The following SERGEF variants were observed in gnomAD, a reference collection of about 807,000 sequenced individuals.
SERGEF encodes secretion regulating guanine nucleotide exchange factor.
SERGEF carries 51 observed loss-of-function variants against 50.0 expected under a neutral mutation model. The ratio of observed to expected loss-of-function variants is 1.02; its 90% CI spans 0.81 to 1.29. The LOEUF (loss-of-function observed/expected upper bound fraction) is 1.29. Ranked by LOEUF, SERGEF falls within the 50% of genes most tolerant of loss-of-function variation. The pLI, the probability that SERGEF is intolerant of heterozygous loss-of-function variation, is 0.00. For missense variants in SERGEF, 521 were observed against 557.0 expected (o/e 0.94, Z 0.65); for synonymous variants, 205 against 212.4 (o/e 0.97, Z 0.30).
chr11:17,863,088 G>A (rs1850955984), intron 10 of SERGEF, among the ~76,000 whole-genome samples: 1 of 152,222 alleles, frequency 6.6e-6, no homozygotes, highest in South Asian at 2.1e-4. Context: ...GCAGACCTTA[G>A]TTTGAATTCT....
At chr11:17,850,582 C>A (rs1850693627) in intron 10 of SERGEF, among the ~76,000 whole-genome samples, 1 of 152,168 alleles carries the variant, frequency 6.6e-6, no homozygotes, top group South Asian at 2.1e-4. Flanking sequence ...CTAGACAGCT[C>A]CTTCTAGCAT....
intron 10 of SERGEF, among the ~76,000 whole-genome samples, chr11:17,872,559 C>T (rs192717312): frequency 3.9e-4 from 59 of 152,240 alleles, no homozygotes; most frequent in Admixed American, 2.8e-3. Context: ...AATGGCATAG[C>T]CCCTATGGAG....
At chr11:17,943,047 C>A (rs551562754) in intron 9 of SERGEF, among the ~76,000 whole-genome samples, 1 of 152,024 alleles carries the variant, frequency 6.6e-6, no homozygotes, top group East Asian at 1.9e-4. Flanking sequence ...GGATACTAAT[C>A]AATAATTTTC....
chr11:17,915,369 T>C (rs150869986), intron 9 of SERGEF, among the ~76,000 whole-genome samples: 24 of 152,304 alleles, frequency 1.6e-4, no homozygotes, highest in African/African-American at 5.5e-4. Context: ...CTGAGATTAC[T>C]GAGCTCAACC....
chr11:17,920,316 C>G (rs1852130877), intron 9 of SERGEF, among the ~76,000 whole-genome samples: 1 of 152,172 alleles, frequency 6.6e-6, no homozygotes, highest in African/African-American at 2.4e-5. Flanking sequence ...TTACCCTGCT[C>G]TCACTTTTTT....
intron 9 of SERGEF, among the ~76,000 whole-genome samples, chr11:17,952,649 G>T (rs1219575281): frequency 6.6e-6 from 1 of 152,138 alleles, no homozygotes; most frequent in African/African-American, 2.4e-5. Flanking sequence ...AAGGTACTGG[G>T]CTTGTTTTCA....
At chr11:17,996,015 T>A in intron 5 of SERGEF, 106 bp from the exon 6 acceptor site, 1 of 791,712 alleles carries the variant, frequency 1.3e-6, no homozygotes, top group Non-Finnish European at 2.1e-6. Context: ...CTTTCTCAGT[T>A]AATATGAGTG....
At position 17,951,205 on chromosome 11, in the gene SERGEF, C is replaced by A. The variant is rs143266572; in HGVS notation, c.1011+8265G>T. 4.7e-3 allele frequency among the ~76,000 whole-genome samples: 721 copies of A among 152,308 alleles called. 7 individuals carry two copies. Among genetic ancestry groups the A allele is most frequent in the African/African-American group, 0.016 (669 of 41,548 alleles). ...CTTTTAACAAAACCTGTACCCGAAG[C>A]AGCTCATATGTCATGAACCTAAAAA... is the stretch of plus-strand genomic sequence containing the variant. On this transcript the variant is annotated intron_variant, in intron 9 of 10. Transcript: ENST00000265965.
At chr11:17,826,331 A>G (rs1322400224) in intron 10 of SERGEF, among the ~76,000 whole-genome samples, 1 of 152,216 alleles carries the variant, frequency 6.6e-6, no homozygotes, top group Non-Finnish European at 1.5e-5. Context: ...AGCTATATTG[A>G]CACTAATTTT....
At chr11:17,809,619 A>C (rs540083124) in intron 10 of SERGEF, among the ~76,000 whole-genome samples, 2 of 152,260 alleles carry the variant, frequency 1.3e-5, no homozygotes, top group African/African-American at 4.8e-5. Flanking sequence ...GTCTAAGAGG[A>C]GGAGGACAAA....
chr11:17,919,820 C>A (rs936565945), intron 9 of SERGEF, among the ~76,000 whole-genome samples: 1 of 152,030 alleles, frequency 6.6e-6, no homozygotes, highest in Non-Finnish European at 1.5e-5. Flanking sequence ...TCAGTGAGGC[C>A]TATTAAAAAC....
chr11:17,825,411 A>G (rs1850174713), intron 10 of SERGEF, among the ~76,000 whole-genome samples: 1 of 152,182 alleles, frequency 6.6e-6, no homozygotes, highest in South Asian at 2.1e-4. Flanking sequence ...CAACCATGAA[A>G]GAGCAAGAGA....
At chr11:17,993,727 T>C (rs185898508) in intron 6 of SERGEF, among the ~76,000 whole-genome samples, 3 of 152,320 alleles carry the variant, frequency 2.0e-5, no homozygotes, top group Admixed American at 2.0e-4. Context: ...TCCTCTGGAA[T>C]GATAACAGGA....
intron 9 of SERGEF, among the ~76,000 whole-genome samples, chr11:17,922,749 A>G (rs371093361): frequency 1.3e-5 from 2 of 152,318 alleles, no homozygotes; most frequent in African/African-American, 4.8e-5. Context: ...TTCCCCATTC[A>G]TAAATGTAGA....
intron 10 of SERGEF, among the ~76,000 whole-genome samples, chr11:17,852,505 C>A (rs1047795802): frequency 6.6e-6 from 1 of 152,154 alleles, no homozygotes. Flanking sequence ...CCCCACTTCA[C>A]CCCCTCCATT....
intron 9 of SERGEF, among the ~76,000 whole-genome samples, chr11:17,952,340 T>C (rs952938239): frequency 6.6e-6 from 1 of 152,242 alleles, no homozygotes; most frequent in Middle Eastern, 3.4e-3. Flanking sequence ...AGGTACACAG[T>C]TCAATGAAAG....
intron 9 of SERGEF, among the ~76,000 whole-genome samples, chr11:17,908,383 A>G (rs970933241): frequency 6.6e-6 from 1 of 151,884 alleles, no homozygotes; most frequent in African/African-American, 2.4e-5. Context: ...AACTCCCCCA[A>G]CCACCACCAT....
chr11:17,971,648 T>C (rs771495351), intron 8 of SERGEF, among the ~76,000 whole-genome samples: 4 of 152,206 alleles, frequency 2.6e-5, no homozygotes, highest in Non-Finnish European at 4.4e-5. Context: ...AGAGCACTGA[T>C]AGAGGTGTAC....
At chr11:17,959,411 T>C in intron 9 of SERGEF, 59 bp downstream of exon 9, 1 of 1,502,766 alleles carries the variant, frequency 6.7e-7, no homozygotes, top group Non-Finnish European at 9.2e-7. Flanking sequence ...CCTCAGTAAA[T>C]GATTCACTGA....
Sources: allele counts gnomAD v4.1 joint callset (sites outside exome capture counted in the v4.1 genomes callset), GRCh38; gene constraint gnomAD v4.1.1; transcripts MANE v1.5; gene names NCBI Gene and HGNC (gene_info 2026-07-23, HGNC 2026-07-21).